Variants in STK33 observed in about 807,000 individuals in gnomAD.
The protein encoded by STK33 is serine/threonine-protein kinase 33.
A neutral mutation model predicts 58.0 loss-of-function variants in STK33; 52 were observed. That is an observed-to-expected ratio of 0.90 (90% CI 0.72 to 1.13). The LOEUF (loss-of-function observed/expected upper bound fraction) is 1.13, where lower values mean the gene tolerates loss of function less well. Among genes scored for constraint, STK33 ranks in the 50% most tolerant of loss-of-function variants. The pLI, the probability that STK33 is intolerant of heterozygous loss-of-function variation, is 0.00. For missense variants in STK33, 630 were observed against 604.2 expected, an observed-to-expected ratio of 1.04 and a Z score of -0.45; for synonymous variants, 215 against 200.1, an observed-to-expected ratio of 1.07 and a Z score of -0.63.
chr11:8,430,656 T>G (rs1411227789), intron 14 of STK33, among the ~76,000 whole-genome samples: 1 of 152,158 alleles, frequency 6.6e-6, no homozygotes, highest in Non-Finnish European at 1.5e-5. Flanking sequence ...TCCTTGTTGA[T>G]CTATCATTCT....
intron 1 of STK33, among the ~76,000 whole-genome samples, chr11:8,569,636 T>A (rs1194822623): frequency 6.6e-6 from 1 of 152,116 alleles, no homozygotes; most frequent in Non-Finnish European, 1.5e-5. Flanking sequence ...ATGTAAGACT[T>A]CTACTCCTCA....
At chr11:8,489,333 T>C (rs1950427081) in intron 1 of STK33, among the ~76,000 whole-genome samples, 1 of 150,496 alleles carries the variant, frequency 6.6e-6, no homozygotes, top group Non-Finnish European at 1.5e-5. Flanking sequence ...AAATATATTA[T>C]ATTACACCAA....
chr11:8,414,822 C>T (rs1273299710), intron 14 of STK33, among the ~76,000 whole-genome samples: 1 of 152,134 alleles, frequency 6.6e-6, no homozygotes, highest in Non-Finnish European at 1.5e-5. Context: ...CTACTTACTC[C>T]TAGAATGCCA....
the STK33 span, among the ~76,000 whole-genome samples, chr11:8,350,030 C>T: frequency 5.9e-5 from 9 of 152,374 alleles, no homozygotes; most frequent in East Asian, 1.9e-4. Context: ...CTGCTGTGTG[C>T]GTTGCACTTC....
the STK33 span, among the ~76,000 whole-genome samples, chr11:8,339,643 C>A: frequency 6.7e-6 from 1 of 149,996 alleles, no homozygotes; most frequent in Non-Finnish European, 1.5e-5. Flanking sequence ...TGGGCTGACC[C>A]GTGCACAGCC....
chr11:8,353,961 A>G, the STK33 span, among the ~76,000 whole-genome samples: 1 of 152,120 alleles, frequency 6.6e-6, no homozygotes, highest in Non-Finnish European at 1.5e-5. Context: ...GGGTGGTTAG[A>G]GCCTGGGGAC....
the STK33 span, among the ~76,000 whole-genome samples, chr11:8,337,645 C>CGG: frequency 1.1e-5 from 1 of 87,768 alleles, no homozygotes; most frequent in African/African-American, 4.7e-5. Flanking sequence ...CGGCGGGGGG[C>CGG]GGGGGGGGGG....
At chr11:8,412,111 T>C (rs1234600303) in intron 15 of STK33, among the ~76,000 whole-genome samples, 2 of 152,182 alleles carry the variant, frequency 1.3e-5, no homozygotes, top group Non-Finnish European at 2.9e-5. Context: ...TATGTGAGTA[T>C]ATGTAGATGT....
At chr11:8,356,236 GAC>G in the STK33 span, among the ~76,000 whole-genome samples, 1 of 152,216 alleles carries the variant, frequency 6.6e-6, no homozygotes, top group East Asian at 1.9e-4. Flanking sequence ...TGGGAACAGA[GAC>G]AGGGAAATCC....
intron 9 of STK33, 35 bp downstream of exon 9, chr11:8,457,306 C>T: frequency 1.3e-6 from 2 of 1,485,354 alleles, no homozygotes; most frequent in Non-Finnish European, 1.8e-6. Flanking sequence ...CATTAGTATT[C>T]ATGGGGTCAA....
At chr11:8,425,455 A>C (rs1220194031) in intron 14 of STK33, among the ~76,000 whole-genome samples, 1 of 152,184 alleles carries the variant, frequency 6.6e-6, no homozygotes, top group Non-Finnish European at 1.5e-5. Context: ...CTTAGGGCTG[A>C]CTTGGCAATG....
chr11:8,426,376 C>G (rs554847934), intron 14 of STK33, among the ~76,000 whole-genome samples: 1 of 152,166 alleles, frequency 6.6e-6, no homozygotes, highest in Non-Finnish European at 1.5e-5. Context: ...GCTAGGGTCT[C>G]GGGTTTTTTA....
intron 1 of STK33, among the ~76,000 whole-genome samples, chr11:8,553,204 T>TATC (rs1956469412): frequency 2.0e-4 from 15 of 76,380 alleles, no homozygotes; most frequent in Admixed American, 1.1e-3. Flanking sequence ...ATATGGTGTA[T>TATC]ATATATATAT....
intron 11 of STK33, among the ~76,000 whole-genome samples, chr11:8,450,204 C>T (rs544283134): frequency 5.3e-5 from 8 of 152,238 alleles, no homozygotes; most frequent in African/African-American, 1.4e-4. Flanking sequence ...GGCACAGATA[C>T]ACCATGGAAT....
chr11:8,555,502 T>C (rs968075670), intron 1 of STK33, among the ~76,000 whole-genome samples: 1 of 151,744 alleles, frequency 6.6e-6, no homozygotes, highest in Non-Finnish European at 1.5e-5. Flanking sequence ...CCATCTCTAC[T>C]AAAAACACAA....
intron 15 of STK33, among the ~76,000 whole-genome samples, chr11:8,398,232 G>T (rs1054905145): frequency 6.6e-6 from 1 of 152,202 alleles, no homozygotes; most frequent in Non-Finnish European, 1.5e-5. Context: ...TTACCCACAA[G>T]GTGAAGCCCA....
At chr11:8,477,816 A>G (rs1426117431) in intron 2 of STK33, among the ~76,000 whole-genome samples, 1 of 152,178 alleles carries the variant, frequency 6.6e-6, no homozygotes, top group Non-Finnish European at 1.5e-5. Flanking sequence ...CTTCTAATTT[A>G]TCAGTTGCCT....
At chr11:8,539,613 C>T (rs1488654320) in intron 1 of STK33, among the ~76,000 whole-genome samples, 1 of 152,198 alleles carries the variant, frequency 6.6e-6, no homozygotes, top group African/African-American at 2.4e-5. Context: ...CCAATAGTTT[C>T]GGATTGCAGC....
chr11:8,385,731 G>A, the STK33 span, among the ~76,000 whole-genome samples: 3 of 151,620 alleles, frequency 2.0e-5, no homozygotes. Context: ...ATGGTAGGTG[G>A]CCAACAACTA....
Sources: gnomAD v4.1 joint callset for allele counts (sites outside exome capture counted in the v4.1 genomes callset) on GRCh38, gnomAD v4.1.1 for gene constraint, MANE v1.5 for transcripts, NCBI Gene and HGNC (gene_info 2026-07-23, HGNC 2026-07-21) for gene names.